TMEM132D: variants seen among roughly 807,000 people sequenced by gnomAD.
TMEM132D encodes the protein transmembrane protein 132D, also known as mature OL transmembrane protein.
TMEM132D carries 21 observed loss-of-function variants against 62.3 expected under a neutral mutation model. The ratio of observed to expected loss-of-function variants is 0.34; its 90% CI spans 0.24 to 0.49. The LOEUF is 0.49. Among genes scored for constraint, TMEM132D ranks in the 20% least tolerant of loss-of-function variants. The pLI is 0.99. For missense variants in TMEM132D, 1,346 were observed against 1,402.8 expected, an observed-to-expected ratio of 0.96 and a Z score of 0.65; for synonymous variants, 621 against 575.6, an observed-to-expected ratio of 1.08 and a Z score of -1.13.
intron 2 of TMEM132D, among the ~76,000 whole-genome samples, chr12:129,579,640 G>T (rs1174625766): frequency 4.6e-5 from 7 of 152,184 alleles, no homozygotes; most frequent in African/African-American, 1.4e-4. Flanking sequence ...GAAAGATGAA[G>T]GCTGGAAGAC....
At chr12:129,657,420 C>T (rs1310834304) in intron 2 of TMEM132D, among the ~76,000 whole-genome samples, 7 of 152,158 alleles carry the variant, frequency 4.6e-5, no homozygotes, top group South Asian at 2.1e-4. Context: ...ACATTTCCAC[C>T]GTCAACTGGT....
intron 4 of TMEM132D, among the ~76,000 whole-genome samples, chr12:129,242,754 C>T (rs893114833): frequency 6.6e-6 from 1 of 151,966 alleles, no homozygotes; most frequent in Admixed American, 6.6e-5. Context: ...TAAGAAGTTA[C>T]GCACTATTTT....
Position 129,078,623 on chromosome 12 carries a change from G to A in TMEM132D, c.2026C>T (p.Leu676=), listed in dbSNP as rs774545295. ...GGGCTGAGCTGCAAGGAGAGTGACA[G>A]CCCTGTCACCAGCTGCACCCCGAGG... The part of the protein sequence containing the change: ...TDLGVQLVTG[L]SLSLQLSPGS... The change falls in exon 8 of 9, where the codon CTG becomes TTG. Residue 676 remains leucine, a synonymous_variant. Coordinates refer to ENST00000422113, the MANE Select transcript of TMEM132D (RefSeq NM_133448.3). The A allele has an allele frequency of 4.9e-5, 79 of 1,614,064 alleles. No individual in the cohort carries two copies. Among genetic ancestry groups the A allele is most frequent in the Middle Eastern group, 3.3e-4 (2 of 6,084 alleles).
chr12:129,139,898 TA>T (rs1259969404), intron 5 of TMEM132D, among the ~76,000 whole-genome samples: 3 of 151,492 alleles, frequency 2.0e-5, no homozygotes, highest in Non-Finnish European at 2.9e-5. Flanking sequence ...TTTTTTTTTG[TA>T]GAGACAGTGT....
At chr12:129,273,731 A>G (rs183149337) in intron 4 of TMEM132D, among the ~76,000 whole-genome samples, 7 of 151,894 alleles carry the variant, frequency 4.6e-5, no homozygotes, top group Non-Finnish European at 8.8e-5. Context: ...GCCCATGGAC[A>G]TAAAGATGGG....
At chr12:129,108,638 G>C (rs1565966540) in intron 5 of TMEM132D, among the ~76,000 whole-genome samples, 1 of 152,094 alleles carries the variant, frequency 6.6e-6, no homozygotes. Flanking sequence ...CCAATTCTGG[G>C]GAAGCACTCC....
At chr12:129,278,867 T>A (rs1160036258) in intron 4 of TMEM132D, among the ~76,000 whole-genome samples, 1 of 152,174 alleles carries the variant, frequency 6.6e-6, no homozygotes, top group Non-Finnish European at 1.5e-5. Flanking sequence ...CTTCCTGTTG[T>A]CTGACTCAAA....
At chr12:129,421,089 G>A (rs1000488126) in intron 3 of TMEM132D, among the ~76,000 whole-genome samples, 64 of 151,634 alleles carry the variant, frequency 4.2e-4, no homozygotes, top group Non-Finnish European at 8.8e-5. Context: ...AGCCTCCTGA[G>A]TAGCTGGGAT....
In TMEM132D at chr12:129,758,199, C is replaced by T. The variant is rs1041119190; in HGVS notation, c.80-57501G>A. 2.0e-5 allele frequency among the ~76,000 whole-genome samples: 3 copies of T among 152,286 alleles called. No homozygotes were observed. The East Asian group carries it at 5.8e-4, about 29-fold the overall frequency. ...GGATTACAGGTGTGAGCCACCACGC[C>T]TGGCCCACTTTTATTTTATTTTTTT... On this transcript the variant is annotated intron_variant, in intron 1 of 8. Transcript: ENST00000422113.
At chr12:129,187,010 G>A (rs1878239915) in intron 5 of TMEM132D, among the ~76,000 whole-genome samples, 1 of 152,176 alleles carries the variant, frequency 6.6e-6, no homozygotes, top group South Asian at 2.1e-4. Flanking sequence ...ATAATTAGCT[G>A]CTCTGGGCTC....
intron 5 of TMEM132D, among the ~76,000 whole-genome samples, chr12:129,202,276 T>C (rs570905209): frequency 2.6e-5 from 4 of 152,302 alleles, no homozygotes; most frequent in Non-Finnish European, 4.4e-5. Context: ...CTGTGACACA[T>C]CTCTGAGAAT....
chr12:129,330,342 A>AGGCTT (rs2135650928), intron 4 of TMEM132D, among the ~76,000 whole-genome samples: 1 of 152,296 alleles, frequency 6.6e-6, no homozygotes, highest in South Asian at 2.1e-4. Context: ...TTTGGAAAAA[A>AGGCTT]GGCTTGGAGA....
rs1881633307 is a variant in TMEM132D at position 129,711,172 on chromosome 12, C to A, written c.80-10474G>T. On this transcript the variant is annotated intron_variant, in intron 1 of 8. Transcript: ENST00000422113. Reference sequence around the variant, plus strand: ...GCCCCCTAAATACACTTGCATTGGTCCCCCTAAAACCTCTCTTCTCACCGA... The same window carrying A: ...GCCCCCTAAATACACTTGCATTGGTACCCCTAAAACCTCTCTTCTCACCGA... Among the ~76,000 whole-genome samples the A allele has an allele frequency of 2.0e-5, 3 of 152,196 alleles. No individual in the cohort carries two copies. In the South Asian group the frequency reaches 6.2e-4, roughly 32 times the overall value.
intron 4 of TMEM132D, among the ~76,000 whole-genome samples, chr12:129,246,147 G>T (rs1457384643): frequency 1.3e-5 from 2 of 152,034 alleles, no homozygotes; most frequent in African/African-American, 4.8e-5. Context: ...ATGCTCATGT[G>T]CAGACTGTAA....
chr12:129,865,335 T>C (rs925047794), intron 1 of TMEM132D, among the ~76,000 whole-genome samples: 1 of 152,020 alleles, frequency 6.6e-6, no homozygotes, highest in African/African-American at 2.4e-5. Context: ...GGCTGGAGCA[T>C]AGAGAGCAGA....
chr12:129,377,628 C>T (rs955142753), intron 3 of TMEM132D, among the ~76,000 whole-genome samples: 1 of 152,126 alleles, frequency 6.6e-6, no homozygotes, highest in African/African-American at 2.4e-5. Context: ...GAATCTTGTT[C>T]TGGTCCTGAT....
intron 3 of TMEM132D, among the ~76,000 whole-genome samples, chr12:129,493,661 G>C (rs577261097): frequency 1.3e-5 from 2 of 152,122 alleles, no homozygotes; most frequent in African/African-American, 2.4e-5. Flanking sequence ...CATGTGCTAG[G>C]CTCTATTCTA....
At chr12:129,516,883 C>CT (rs1566095149) in intron 3 of TMEM132D, among the ~76,000 whole-genome samples, 1 of 152,168 alleles carries the variant, frequency 6.6e-6, no homozygotes, top group Non-Finnish European at 1.5e-5. Context: ...CATTGCCTTG[C>CT]TTTTTTCAGT....
chr12:129,122,239 T>C (rs1876088474), intron 5 of TMEM132D, among the ~76,000 whole-genome samples: 1 of 152,210 alleles, frequency 6.6e-6, no homozygotes, highest in African/African-American at 2.4e-5. Context: ...GAGCTGAATG[T>C]GTACTGCTCA....
Sources: gnomAD v4.1 joint callset for allele counts (sites outside exome capture counted in the v4.1 genomes callset) on GRCh38, gnomAD v4.1.1 for gene constraint, MANE v1.5 for transcripts, NCBI Gene and HGNC (gene_info 2026-07-23, HGNC 2026-07-21) for gene names.